EGF: variants seen among roughly 807,000 people sequenced by gnomAD.
EGF encodes the protein pro-epidermal growth factor.
Under a neutral mutation model 143.8 loss-of-function variants are expected in EGF, and 95 were observed. The ratio of observed to expected loss-of-function variants is 0.66; its 90% CI spans 0.56 to 0.78. The LOEUF (loss-of-function observed/expected upper bound fraction) is 0.78, where lower values mean the gene tolerates loss of function less well. Ranked by LOEUF, EGF falls within the 30% of genes least tolerant of loss-of-function variation. The pLI is 0.00. For synonymous variants in EGF, 510 were observed against 510.5 expected (o/e 1.00, Z 0.01); for missense variants, 1,320 against 1,470.9 (o/e 0.90, Z 1.68).
Position 109,937,844 on chromosome 4 carries a change from A to G in EGF, c.128-3102A>G, listed in dbSNP as rs180754538. Among the ~76,000 whole-genome samples, 228 of 151,976 alleles carry G rather than the reference A, an allele frequency of 1.5e-3. 1 individual carries two copies. The highest frequency in any genetic ancestry group is 5.2e-3 in the African/African-American group (217 of 41,430). The stretch of plus-strand genomic sequence containing the variant: ...TTAAGAATGTTGAATATTGGCCCCC[A>G]CTCTCTTCTGGCTGTAGGATTTCTG... On this transcript the variant is annotated intron_variant, in intron 1 of 23. Transcript: ENST00000265171.
chr4:109,943,142 G>A, intron 2 of EGF, 112 bp from the exon 3 acceptor site: 3 of 763,224 alleles, frequency 3.9e-6, no homozygotes, highest in Non-Finnish European at 6.1e-6. Flanking sequence ...TTTTGGAACT[G>A]CATAAAGATG....
At chr4:109,981,179 T>C (rs1749302663) in intron 15 of EGF, among the ~76,000 whole-genome samples, 1 of 152,212 alleles carries the variant, frequency 6.6e-6, no homozygotes, top group South Asian at 2.1e-4. Context: ...AATTGACCTC[T>C]AGTGGTAACA....
intron 18 of EGF, 99 bp downstream of exon 18, chr4:109,988,808 G>A: frequency 6.4e-7 from 1 of 1,557,424 alleles, no homozygotes; most frequent in Non-Finnish European, 8.8e-7. Context: ...GATATAATTG[G>A]GGTGACACAC....
intron 11 of EGF, among the ~76,000 whole-genome samples, chr4:109,970,077 G>A (rs902124015): frequency 1.3e-5 from 2 of 152,096 alleles, no homozygotes; most frequent in African/African-American, 4.8e-5. Context: ...GTTTCCCTAC[G>A]GTGGGAAAAA....
intron 16 of EGF, among the ~76,000 whole-genome samples, chr4:109,983,816 A>G (rs1578341591): frequency 6.6e-6 from 1 of 152,228 alleles, no homozygotes; most frequent in African/African-American, 2.4e-5. Context: ...AAAGTAAAAC[A>G]CAGGACAACA....
At chr4:109,990,625 C>T (rs1750801499) in intron 18 of EGF, among the ~76,000 whole-genome samples, 1 of 152,150 alleles carries the variant, frequency 6.6e-6, no homozygotes, top group South Asian at 2.1e-4. Context: ...ATGGCCTAAG[C>T]AACAGAAATA....
Position 109,987,724 on chromosome 4 carries a change from G to C in EGF, c.2492-20G>C, listed in dbSNP as rs41335850. On this transcript the variant is annotated intron_variant, in intron 16 of 23. Coordinates refer to ENST00000265171, the MANE Select transcript of EGF (RefSeq NM_001963.6). ...CTCTAAGGTCTAGAAATAACTGCACGGGATTCTTGCTATTTGTAGATCAAG... is the reference window on the plus strand; with the variant it reads ...CTCTAAGGTCTAGAAATAACTGCACCGGATTCTTGCTATTTGTAGATCAAG... 2.5e-5 allele frequency: 39 copies of C among 1,588,454 alleles called. No homozygotes were observed.
At position 109,975,487 on chromosome 4, in the gene EGF, T is replaced by G. The variant is rs183672634; in HGVS notation, c.1830-525T>G. ...AATAAAAATTATGAACCATATTGAC[T>G]TCAAAAAAAATGTGCCCAGCACCTG... On this transcript the variant is annotated intron_variant, in intron 12 of 23. Coordinates refer to ENST00000265171, the MANE Select transcript of EGF (RefSeq NM_001963.6). Among the ~76,000 whole-genome samples, 345 of 152,244 alleles carry G rather than the reference T, an allele frequency of 2.3e-3. 2 individuals are homozygous for G. The highest frequency in any genetic ancestry group is 7.8e-3 in the African/African-American group (323 of 41,562).
At chr4:109,988,192 CTTTT>C (rs200891546) in intron 17 of EGF, among the ~76,000 whole-genome samples, 7 of 138,636 alleles carry the variant, frequency 5.0e-5, no homozygotes, top group Admixed American at 1.4e-4. Context: ...GAAAACACAA[CTTTT>C]TTTTTTTTTT....
At chr4:109,934,094 G>A (rs911874020) in intron 1 of EGF, among the ~76,000 whole-genome samples, 1 of 152,154 alleles carries the variant, frequency 6.6e-6, no homozygotes, top group East Asian at 1.9e-4. Flanking sequence ...GTTGTTTCCT[G>A]ACTTTTTAAT....
In EGF at chr4:109,969,134, T is replaced by A. The variant is rs759026349; in HGVS notation, c.1724+15T>A. On this transcript the variant is annotated intron_variant, in intron 11 of 23. Coordinates refer to ENST00000265171, the MANE Select transcript of EGF (RefSeq NM_001963.6). Reference sequence around the variant, plus strand: ...ACAGACAGAGGGTATGTTTTCTGCTTCAGTTTTAAGCTGTGTGAGATGGGA... The same window carrying A: ...ACAGACAGAGGGTATGTTTTCTGCTACAGTTTTAAGCTGTGTGAGATGGGA... 6.2e-7 allele frequency: 1 copy of A among 1,613,982 alleles called. No individual in the cohort carries two copies. Among genetic ancestry groups the A allele is most frequent in the African/African-American group, 1.3e-5 (1 of 74,900 alleles).
chr4:109,964,567 A>T, intron 10 of EGF, 30 bp downstream of exon 10: 1 of 1,613,476 alleles, frequency 6.2e-7, no homozygotes, highest in South Asian at 1.1e-5. Context: ...ACAGATGTGG[A>T]CATGCTTTAA....
rs767058334 is a variant in EGF at position 109,979,978 on chromosome 4, C to T, written c.2060C>T (p.Pro687Leu). ...RRLTQNDVGHPFAVAVFEDYV... is the reference protein window; with the variant it reads ...RRLTQNDVGHLFAVAVFEDYV... ...AAACTTGAATTGTTTCCAGGTCACC[C>T]ATTTGCTGTAGCAGTGTTTGAGGAT... Residue 687 changes from proline to leucine, a missense_variant, in exon 14 of 24, where the codon CCA (proline) becomes CTA (leucine). Pro to Leu is a moderately conservative substitution (Grantham distance 98, BLOSUM62 -3). Around this residue, in one of 5 missense-constraint regions of EGF, gnomAD observed 1,186 missense variants for 1,313.7 expected, o/e 0.90. Transcript: ENST00000265171. The T allele has an allele frequency of 6.2e-7, 1 of 1,613,904 alleles. No individual in the cohort carries two copies. The highest frequency in any genetic ancestry group is 1.1e-5 in the South Asian group (1 of 91,046).
intron 21 of EGF, chr4:110,001,771 TACTCCA>T (rs1752602110): frequency 1.0e-6 from 1 of 985,314 alleles, no homozygotes; most frequent in African/African-American, 1.7e-5. Context: ...CAGACTCTCA[TACTCCA>T]AAAATCAGAA....
At chr4:109,991,516 C>A (rs1750934613) in intron 18 of EGF, among the ~76,000 whole-genome samples, 1 of 151,902 alleles carries the variant, frequency 6.6e-6, no homozygotes, top group South Asian at 2.1e-4. Flanking sequence ...AACATGGGAT[C>A]CAGGAATGAG....
At position 109,980,418 on chromosome 4, in the gene EGF, G is replaced by A. The variant is rs11569014; in HGVS notation, c.2221+279G>A. On this transcript the variant is annotated intron_variant, in intron 14 of 23. Coordinates refer to ENST00000265171, the MANE Select transcript of EGF (RefSeq NM_001963.6). ...GGTTAAGGCAGGCAATTTAGACACC[G>A]GCAGTGGAAGCTTCTGTCGACACTT... Among the ~76,000 whole-genome samples, 3,123 of 152,242 alleles carry A rather than the reference G, an allele frequency of 0.021. 36 individuals are homozygous for A. The highest frequency in any genetic ancestry group is 0.058 in the Middle Eastern group (17 of 294).
chr4:109,968,842 A>T, intron 10 of EGF, 129 bp from the exon 11 acceptor site: 1 of 1,166,706 alleles, frequency 8.6e-7, no homozygotes, highest in Non-Finnish European at 1.2e-6. Flanking sequence ...GTTCGAATTT[A>T]GTTGCAGGTG....
Position 109,923,622 on chromosome 4 carries a change from A to ATTT in EGF, c.127+10163_127+10165dup, listed in dbSNP as rs1224162570. On this transcript the variant is annotated intron_variant, in intron 1 of 23. Coordinates refer to ENST00000265171, the MANE Select transcript of EGF (RefSeq NM_001963.6). ...ACTCATGATGACATATTTTAAAATT[A>ATTT]TTTTTATTATTTTTTGAGACAGGGT... Among the ~76,000 whole-genome samples, 8 of 151,434 alleles carry ATTT rather than the reference A, an allele frequency of 5.3e-5. No homozygotes were observed. In the South Asian group the frequency reaches 1.7e-3, roughly 31 times the overall value.
At chr4:109,950,870 T>C (rs1579579079) in intron 5 of EGF, among the ~76,000 whole-genome samples, 3 of 152,294 alleles carry the variant, frequency 2.0e-5, no homozygotes, top group Non-Finnish European at 4.4e-5. Context: ...AGGGAATGTG[T>C]TCTCAGAGAA....
Sources: allele counts gnomAD v4.1 joint callset (sites outside exome capture counted in the v4.1 genomes callset), GRCh38; gene constraint gnomAD v4.1.1; regional missense constraint gnomAD v4.1.1; transcripts MANE v1.5; gene names NCBI Gene and HGNC (gene_info 2026-07-23, HGNC 2026-07-21).